DISC1: variants seen among roughly 807,000 people sequenced by gnomAD.
The protein encoded by DISC1 is disrupted in schizophrenia 1 protein.
DISC1 carries 57 observed loss-of-function variants against 84.5 expected under a neutral mutation model. That is an observed-to-expected ratio of 0.67 (90% CI 0.55 to 0.84). The LOEUF is 0.84. Ranked by LOEUF, DISC1 falls within the 40% of genes least tolerant of loss-of-function variation. DISC1 has a pLI of 0.00. For missense variants in DISC1, 1,000 were observed against 1,057.8 expected, an observed-to-expected ratio of 0.95 and a Z score of 0.76; for synonymous variants, 411 against 415.2, an observed-to-expected ratio of 0.99 and a Z score of 0.12.
chr1:231,843,793 T>A (rs1006323036), intron 9 of DISC1, among the ~76,000 whole-genome samples: 2 of 152,174 alleles, frequency 1.3e-5, no homozygotes, highest in Admixed American at 6.5e-5. Flanking sequence ...AGAGATTGTA[T>A]GTCTCCTTTG....
chr1:231,877,116 A>G (rs904601663), intron 9 of DISC1, among the ~76,000 whole-genome samples: 3 of 152,262 alleles, frequency 2.0e-5, no homozygotes, highest in Non-Finnish European at 4.4e-5. Flanking sequence ...ACTAAAAATT[A>G]GAAGGGGAAG....
At chr1:231,957,555 T>A (rs530141767) in intron 9 of DISC1, among the ~76,000 whole-genome samples, 2 of 152,208 alleles carry the variant, frequency 1.3e-5, no homozygotes, top group Non-Finnish European at 2.9e-5. Context: ...TAAATATGTA[T>A]GGGATGTGAA....
At position 232,009,342 on chromosome 1, in the gene DISC1, A is replaced by G. The variant is rs1572621089; in HGVS notation, c.2307+293A>G. On this transcript the variant is annotated intron_variant, in intron 11 of 12. Transcript: ENST00000439617. This position sits in a 1 kb window ranked among gnomAD's most constrained non-coding sequence, Gnocchi z 4.6. ...CTAATATAGAATTACCATATATAGC[A>G]TACATTATATATGTCATATATAATA... The G allele has an allele frequency of 1.9e-6, 2 of 1,050,180 alleles. No individual in the cohort carries two copies. The highest frequency in any genetic ancestry group is 1.2e-4 in the East Asian group (2 of 16,910). 65.1% of individuals were successfully genotyped at this position (1,050,180 alleles called of 1,614,324 possible).
chr1:232,027,509 C>A (rs977424787), intron 12 of DISC1, among the ~76,000 whole-genome samples: 1 of 149,384 alleles, frequency 6.7e-6, no homozygotes. Flanking sequence ...ATGAAGCACT[C>A]CATTCTGTGT....
rs767932367 is a variant in DISC1 at position 231,954,800 on chromosome 1, A to C, written c.1982-4028A>C. Among the ~76,000 whole-genome samples the C allele has an allele frequency of 3.3e-5, 5 of 152,240 alleles. No homozygotes were observed. Among genetic ancestry groups the C allele is most frequent in the Non-Finnish European group, 7.3e-5 (5 of 68,042 alleles). ...TTTAAAATCTAAACTCCCTGTCTAC[A>C]GTCTTGGCCTGTCTTGAAGGTTGTG... is the stretch of plus-strand genomic sequence containing the variant. On this transcript the variant is annotated intron_variant, in intron 9 of 12. Transcript: ENST00000439617. This position sits in a 1 kb window ranked among gnomAD's most constrained non-coding sequence, Gnocchi z 4.8.
At chr1:232,026,766 T>TTTC (rs961795675) in intron 12 of DISC1, among the ~76,000 whole-genome samples, 1 of 42,314 alleles carries the variant, frequency 2.4e-5, no homozygotes, top group African/African-American at 5.1e-4. Context: ...TTTTTTCTTT[T>TTTC]TTTTTTTTTT....
intron 6 of DISC1, among the ~76,000 whole-genome samples, chr1:231,773,765 A>G (rs893666067): frequency 1.3e-5 from 2 of 152,174 alleles, no homozygotes; most frequent in African/African-American, 4.8e-5. Context: ...ATATATGAGG[A>G]TGATCTTGAA....
chr1:231,963,785 G>C (rs183830282), intron 10 of DISC1, among the ~76,000 whole-genome samples: 8 of 152,098 alleles, frequency 5.3e-5, no homozygotes, highest in Admixed American at 2.6e-4. Context: ...TGAGCTCCCC[G>C]AGTGAGCAAT....
At chr1:231,802,283 G>A (rs751894260) in intron 8 of DISC1, among the ~76,000 whole-genome samples, 12 of 152,204 alleles carry the variant, frequency 7.9e-5, no homozygotes, top group African/African-American at 1.9e-4. Context: ...TGCTGTTTTC[G>A]TGATAGTGAG....
chr1:231,777,169 G>A (rs554461743), intron 6 of DISC1, among the ~76,000 whole-genome samples: 1 of 152,274 alleles, frequency 6.6e-6, no homozygotes, highest in Admixed American at 6.5e-5. Context: ...AAAGAGGAGA[G>A]CTTTGCATTT....
At position 231,642,493 on chromosome 1, in the gene DISC1, C is replaced by T. The variant is rs533254289; in HGVS notation, c.67+15559C>T. ...TCGTGAGTATCTCTAGTGCTGCTGG[C>T]GATGAGATGATTCAGTGTGGATGAT... is the stretch of plus-strand genomic sequence containing the variant. On this transcript the variant is annotated intron_variant, in intron 1 of 12. Transcript: ENST00000439617. Among the ~76,000 whole-genome samples, 5 of 152,308 alleles carry T rather than the reference C, an allele frequency of 3.3e-5. No individual in the cohort carries two copies. In the East Asian group the frequency reaches 5.8e-4, roughly 18 times the overall value.
At chr1:231,644,989 G>C (rs1341089292) in intron 1 of DISC1, among the ~76,000 whole-genome samples, 1 of 151,904 alleles carries the variant, frequency 6.6e-6, no homozygotes, top group Non-Finnish European at 1.5e-5. Context: ...CCTTTAAATA[G>C]ATTTTCAGCC....
intron 9 of DISC1, among the ~76,000 whole-genome samples, chr1:231,874,938 A>T (rs923954142): frequency 1.3e-5 from 2 of 151,656 alleles, no homozygotes; most frequent in African/African-American, 2.4e-5. Flanking sequence ...AAAAAAAAGA[A>T]TACCATAGCA....
rs1048589282 is a variant in DISC1, at chr1:232,040,246, G to A, written c.*3415G>A. On this transcript the variant is annotated 3_prime_UTR_variant, in exon 13 of 13. Transcript: ENST00000439617. ...ACCTCAGGCGATCCACCCCCACCTC[G>A]GCTTCCCAAAGTGCTGAGATTACAG... The A allele has an allele frequency of 3.9e-5, 6 of 151,980 alleles. No homozygotes were observed. The highest frequency in any genetic ancestry group is 7.3e-5 in the African/African-American group (3 of 41,340). The allele number at this position is 151,980 out of a possible 1,614,324, so 9.4% of individuals were successfully genotyped here.
intron 4 of DISC1, among the ~76,000 whole-genome samples, chr1:231,763,077 G>T (rs1417136667): frequency 3.3e-5 from 5 of 152,152 alleles, no homozygotes; most frequent in Admixed American, 3.3e-4. Flanking sequence ...AACAATGGGT[G>T]TGTGTGGATG....
At chr1:231,866,906 T>C (rs531807374) in intron 9 of DISC1, among the ~76,000 whole-genome samples, 9 of 152,296 alleles carry the variant, frequency 5.9e-5, no homozygotes, top group African/African-American at 2.2e-4. Flanking sequence ...CGCAGGAGGG[T>C]ACAACTTCGT....
intron 9 of DISC1, among the ~76,000 whole-genome samples, chr1:231,862,908 C>G (rs1226159478): frequency 6.6e-6 from 1 of 152,122 alleles, no homozygotes; most frequent in Admixed American, 6.5e-5. Context: ...TGAAGGTAGA[C>G]ATTGTTCTCA....
intron 9 of DISC1, among the ~76,000 whole-genome samples, chr1:231,873,752 C>T (rs915544203): frequency 6.6e-6 from 1 of 152,124 alleles, no homozygotes; most frequent in African/African-American, 2.4e-5. Context: ...GAGACTGACT[C>T]TAAGAAGAGA....
At chr1:231,780,493 TAAA>T (rs1360149997) in intron 6 of DISC1, among the ~76,000 whole-genome samples, 1 of 147,144 alleles carries the variant, frequency 6.8e-6, no homozygotes, top group African/African-American at 2.5e-5. Context: ...TGGCAATCAT[TAAA>T]AAGTCAGGAA....
Sources: allele counts gnomAD v4.1 joint callset (sites outside exome capture counted in the v4.1 genomes callset), GRCh38; gene constraint gnomAD v4.1.1; non-coding constraint Gnocchi (gnomAD v3.1); transcripts MANE v1.5; gene names NCBI Gene and HGNC (gene_info 2026-07-23, HGNC 2026-07-21).